ENTREP2: variants seen among roughly 807,000 people sequenced by gnomAD.
ENTREP2 encodes the protein protein ENTREP2.
the ENTREP2 span, among the ~76,000 whole-genome samples, chr15:29,672,645 A>G: frequency 2.6e-5 from 4 of 152,056 alleles, no homozygotes; most frequent in African/African-American, 9.7e-5. Context: ...AGACAGGGGA[A>G]TTGCAGTCGA....
At chr15:29,181,869 CATT>C in the ENTREP2 span, among the ~76,000 whole-genome samples, 1 of 152,156 alleles carries the variant, frequency 6.6e-6, no homozygotes, top group Admixed American at 6.5e-5. Context: ...TTTCAGCAAA[CATT>C]ATTCTTAATT....
chr15:29,339,490 A>AG, the ENTREP2 span, among the ~76,000 whole-genome samples: 2 of 152,326 alleles, frequency 1.3e-5, no homozygotes, highest in East Asian at 3.9e-4. Flanking sequence ...TGTGAAGTGA[A>AG]GACAGAAAGA....
the ENTREP2 span, among the ~76,000 whole-genome samples, chr15:29,133,349 C>A: frequency 6.6e-6 from 1 of 152,178 alleles, no homozygotes; most frequent in East Asian, 1.9e-4. Flanking sequence ...ACTTCAATAC[C>A]CCAATTACTG....
At chr15:29,421,627 T>A in the ENTREP2 span, among the ~76,000 whole-genome samples, 2 of 152,218 alleles carry the variant, frequency 1.3e-5, no homozygotes, top group Non-Finnish European at 2.9e-5. Flanking sequence ...CACATAGACA[T>A]GAATATTTTT....
the ENTREP2 span, among the ~76,000 whole-genome samples, chr15:29,393,854 T>C: frequency 2.0e-5 from 3 of 152,192 alleles, no homozygotes; most frequent in Admixed American, 2.0e-4. Context: ...TTATTTACTC[T>C]TTTAGCCCCA....
At chr15:29,570,703 G>C in the ENTREP2 span, 1 of 1,116,798 alleles carries the variant, frequency 9.0e-7, no homozygotes, top group Non-Finnish European at 1.1e-6. Context: ...GCGGCGCTCG[G>C]GGGCCGCCGG....
the ENTREP2 span, among the ~76,000 whole-genome samples, chr15:29,199,913 G>A: frequency 1.3e-5 from 2 of 152,034 alleles, no homozygotes; most frequent in Non-Finnish European, 2.9e-5. Flanking sequence ...ATGAGACTTG[G>A]GATGAGGTTG....
the ENTREP2 span, chr15:29,570,479 G>A: frequency 8.2e-7 from 1 of 1,222,788 alleles, no homozygotes; most frequent in Non-Finnish European, 1.0e-6. Context: ...CCCGGAGCCC[G>A]TCCCCGCCTG....
At chr15:29,651,774 G>A in the ENTREP2 span, among the ~76,000 whole-genome samples, 1 of 152,230 alleles carries the variant, frequency 6.6e-6, no homozygotes, top group Non-Finnish European at 1.5e-5. Context: ...ACAGGCTTTG[G>A]GCACCCACGA....
At chr15:29,598,215 A>C in the ENTREP2 span, among the ~76,000 whole-genome samples, 1 of 152,170 alleles carries the variant, frequency 6.6e-6, no homozygotes, top group Non-Finnish European at 1.5e-5. Flanking sequence ...CCACCAATAA[A>C]TGAACATTCC....
the ENTREP2 span, chr15:29,123,058 G>A: frequency 9.9e-6 from 4 of 403,004 alleles, no homozygotes; most frequent in Admixed American, 4.0e-5. Context: ...GGTGCTGCAC[G>A]CCAGATAAAA....
chr15:29,226,184 T>C, the ENTREP2 span, among the ~76,000 whole-genome samples: 6 of 152,218 alleles, frequency 3.9e-5, no homozygotes, highest in Non-Finnish European at 8.8e-5. Flanking sequence ...AATGACTGAA[T>C]GTACACCATG....
chr15:29,438,339 TC>T, the ENTREP2 span, among the ~76,000 whole-genome samples: 1 of 152,142 alleles, frequency 6.6e-6, no homozygotes, highest in Non-Finnish European at 1.5e-5. Flanking sequence ...CAAAATGGAC[TC>T]CCCGTGGCTA....
chr15:29,195,485 T>TAAG, the ENTREP2 span: 1 of 178,934 alleles, frequency 5.6e-6, no homozygotes, highest in Non-Finnish European at 1.1e-5. Context: ...TACCACCAAC[T>TAAG]AAGAGTTCCT....
At chr15:29,241,291 T>C in the ENTREP2 span, among the ~76,000 whole-genome samples, 2 of 152,196 alleles carry the variant, frequency 1.3e-5, no homozygotes, top group Non-Finnish European at 2.9e-5. Flanking sequence ...CCCCTAGATA[T>C]ACAGCAATGT....
At chr15:29,300,760 G>A in the ENTREP2 span, among the ~76,000 whole-genome samples, 1 of 151,998 alleles carries the variant, frequency 6.6e-6, no homozygotes, top group Admixed American at 6.6e-5. Context: ...CACCATGCCC[G>A]GCTAATTTTT....
the ENTREP2 span, among the ~76,000 whole-genome samples, chr15:29,529,381 C>T: frequency 6.6e-6 from 1 of 151,766 alleles, no homozygotes; most frequent in Non-Finnish European, 1.5e-5. Context: ...ATTGGTGAGG[C>T]AGGTTAAGCA....
At chr15:29,275,850 C>T in the ENTREP2 span, among the ~76,000 whole-genome samples, 45 of 152,306 alleles carry the variant, frequency 3.0e-4, no homozygotes, top group African/African-American at 1.0e-3. Flanking sequence ...ATGATCAAAG[C>T]ATGCAGCCAC....
the ENTREP2 span, among the ~76,000 whole-genome samples, chr15:29,556,268 C>T: frequency 1.3e-5 from 2 of 152,040 alleles, no homozygotes; most frequent in South Asian, 2.1e-4. Context: ...AGGATCTCTC[C>T]GACAGTTATC....
Sources: allele counts gnomAD v4.1 joint callset (sites outside exome capture counted in the v4.1 genomes callset), GRCh38; gene constraint gnomAD v4.1.1; transcripts MANE v1.5; gene names NCBI Gene and HGNC (gene_info 2026-07-23, HGNC 2026-07-21).